SURF6: variants seen among roughly 807,000 people sequenced by gnomAD.
The protein encoded by SURF6 is surfeit locus protein 6.
Under a neutral mutation model 37.5 loss-of-function variants are expected in SURF6, and 28 were observed. The ratio of observed to expected loss-of-function variants is 0.75; its 90% CI spans 0.55 to 1.02. The LOEUF (loss-of-function observed/expected upper bound fraction) is 1.02, where lower values mean the gene tolerates loss of function less well. Among genes scored for constraint, SURF6 ranks in the 50% least tolerant of loss-of-function variants. The pLI, the probability that SURF6 is intolerant of heterozygous loss-of-function variation, is 0.00. For synonymous variants in SURF6, 248 were observed against 210.9 expected (o/e 1.18, Z -1.52); for missense variants, 560 against 490.5 (o/e 1.14, Z -1.34).
At position 133,336,139 on chromosome 9, in the gene SURF6, G is replaced by C; in HGVS notation, c.-7C>G. 1 of 1,609,950 alleles carries C rather than the reference G, an allele frequency of 6.2e-7. No individual in the cohort carries two copies. ...TGGCGAGTAGAGAGGCCATGGCGGA[G>C]ACCCGGGCCGTTCACGACTCACACC... On this transcript the variant is annotated 5_prime_UTR_variant, in exon 1 of 5. Transcript: ENST00000372022.
chr9:133,334,363 C>A (rs2129926731), intron 2 of SURF6, 29 bp downstream of exon 2: 3 of 1,590,862 alleles, frequency 1.9e-6, no homozygotes, highest in Non-Finnish European at 1.7e-6. Flanking sequence ...CCGCCCTGCA[C>A]AGAACCAACA....
Position 133,330,161 on chromosome 9 carries a change from A to C in SURF6, c.*1708T>G, listed in dbSNP as rs1177590787. The C allele has an allele frequency of 6.6e-6, 1 of 152,204 alleles. No homozygotes were observed. The highest frequency in any genetic ancestry group is 1.5e-5 in the Non-Finnish European group (1 of 68,036). 9.4% of individuals were successfully genotyped at this position (152,204 alleles called of 1,614,324 possible). On this transcript the variant is annotated 3_prime_UTR_variant, in exon 5 of 5. Transcript: ENST00000372022. ...AGACATACAGCGTATGTGTGTATAA[A>C]TGGCACTATTTATCTGTAGATGCAC...
intron 4 of SURF6, 75 bp downstream of exon 4, chr9:133,332,473 A>T: frequency 6.4e-7 from 1 of 1,561,270 alleles, no homozygotes; most frequent in Non-Finnish European, 8.6e-7. Context: ...TCGGAGAGAG[A>T]TCATGAAGCT....
rs2129917297 is a variant in SURF6 at position 133,332,296 on chromosome 9, TTC to T, written c.657_658del (p.Lys220GlufsTer38). The T allele has an allele frequency of 1.9e-6, 3 of 1,599,450 alleles. No homozygotes were observed. Among genetic ancestry groups the T allele is most frequent in the Non-Finnish European group, 2.5e-6 (3 of 1,177,142 alleles). The stretch of plus-strand genomic sequence containing the variant: ...GAGGTTCCCCTTCACCCTCTGCCTC[TTC>T]TCTTTTCTGCGCTGCGCCTTGCTGG... On this transcript the variant is annotated frameshift_variant, in exon 5 of 5. Transcript: ENST00000372022. LOFTEE classifies it high-confidence loss of function.
rs994426621 is a variant in SURF6, at chr9:133,329,867, T to C, written c.*2002A>G. 2.0e-5 allele frequency: 3 copies of C among 152,224 alleles called. No homozygotes were observed. Among genetic ancestry groups the C allele is most frequent in the African/African-American group, 7.2e-5 (3 of 41,464 alleles). The allele number at this position is 152,224 out of a possible 1,614,324, so 9.4% of individuals were successfully genotyped here. ...TAACTTCCCTTTCTCTTACCTAGTTTTGGTATCAAAGCTAAGTTCACGAAT... is the reference window on the plus strand; with the variant it reads ...TAACTTCCCTTTCTCTTACCTAGTTCTGGTATCAAAGCTAAGTTCACGAAT... On this transcript the variant is annotated 3_prime_UTR_variant, in exon 5 of 5. Coordinates refer to ENST00000372022, the MANE Select transcript of SURF6 (RefSeq NM_006753.6).
chr9:133,333,259 A>G (rs1297352416), intron 3 of SURF6, among the ~76,000 whole-genome samples: 1 of 152,000 alleles, frequency 6.6e-6, no homozygotes, highest in African/African-American at 2.4e-5. Context: ...GGAACCACAC[A>G]CTGTACCTCG....
In SURF6 at chr9:133,334,615, TAAGA is replaced by T; in HGVS notation, c.95-18_95-15del. On this transcript the variant is annotated splice_polypyrimidine_tract_variant and intron_variant, in intron 1 of 4. Transcript: ENST00000372022. ...GAGTTTTGCCAGCTGAAATGCAAAA[TAAGA>T]AAGAGTTAAGTCCCAATCTCATGGC... 2 of 1,603,676 alleles carry T rather than the reference TAAGA, an allele frequency of 1.2e-6. No homozygotes were observed. The highest frequency in any genetic ancestry group is 1.1e-5 in the South Asian group (1 of 91,040).
At position 133,333,137 on chromosome 9, in the gene SURF6, A is replaced by G. The variant is rs2129922607; in HGVS notation, c.394-377T>C. On this transcript the variant is annotated intron_variant, in intron 3 of 4. Transcript: ENST00000372022. ...GCCCATTCTGTTCACGAGGTACCCA[A>G]CGAAGCCCTCCCCAATGGCCTTTCC... 4.6e-5 allele frequency among the ~76,000 whole-genome samples: 7 copies of G among 152,246 alleles called. No homozygotes were observed. In the East Asian group the frequency reaches 1.2e-3, roughly 25 times the overall value.
rs1835776290 is a variant in SURF6 at position 133,332,653 on chromosome 9, C to T, written c.501G>A (p.Lys167=). Residue 167 remains lysine (K), a synonymous_variant, in exon 4 of 5, where the codon AAG becomes AAA. Transcript: ENST00000372022. ...CCGTGGCCTCCTCAGCCTTCCTGGC[C>T]TTCTCTTTCGCCCGCAGCTCCTTTC... The part of the protein sequence containing the change: ...RKRKELRAKE[K]ARKAEEATEA... 1 of 1,612,068 alleles carries T rather than the reference C, an allele frequency of 6.2e-7. No homozygotes were observed.
In SURF6 at chr9:133,330,668, T is replaced by G. The variant is rs1835702347; in HGVS notation, c.*1201A>C. 6.6e-6 allele frequency: 1 copy of G among 151,484 alleles called. No homozygotes were observed. The highest frequency in any genetic ancestry group is 2.4e-5 in the African/African-American group (1 of 41,280). The allele number at this position is 151,484 out of a possible 1,614,324, so 9.4% of individuals were successfully genotyped here. A position where few individuals can be genotyped will look rare whatever the true frequency, so the allele number is the denominator to read the frequency against. The stretch of plus-strand genomic sequence containing the variant: ...TTCCAAATATGAAATGCCACTGCAC[T>G]CCAGCCTGAGTGACAGAGCAAGACT... On this transcript the variant is annotated 3_prime_UTR_variant, in exon 5 of 5. Coordinates refer to ENST00000372022, the MANE Select transcript of SURF6 (RefSeq NM_006753.6).
intron 2 of SURF6, 89 bp downstream of exon 2, chr9:133,334,302 CT>C (rs1180078203): frequency 8.7e-5 from 109 of 1,250,860 alleles, no homozygotes; most frequent in East Asian, 1.7e-4. Flanking sequence ...CCTGCTGCTG[CT>C]TTTTTTTTCT....
chr9:133,329,393 AG>A lies in SURF6; in HGVS notation c.*2475del, dbSNP rs2129902441. ...AGCAGAGTCTTCTCTAAACTCCTCC[AG>A]GGAAAGGGACACTCCCTTTCCCGGT... On this transcript the variant is annotated 3_prime_UTR_variant, in exon 5 of 5. Coordinates refer to ENST00000372022, the MANE Select transcript of SURF6 (RefSeq NM_006753.6). 7 of 247,298 alleles carry A rather than the reference AG, an allele frequency of 2.8e-5. No homozygotes were observed. The highest frequency in any genetic ancestry group is 4.9e-5 in the Non-Finnish European group (6 of 121,826). 15.3% of individuals were successfully genotyped at this position (247,298 alleles called of 1,614,324 possible).
Position 133,332,629 on chromosome 9 carries a change from C to T in SURF6, c.525G>A (p.Thr175=), listed in dbSNP as rs2129920080. Residue 175 remains threonine (T), a synonymous_variant, in exon 4 of 5, where the codon ACG becomes ACA. Transcript: ENST00000372022. ...KEKARKAEEA[T]EAQEVVEATP... is the part of the protein sequence containing the mutation. ...TTGCCTCCACCACCTCCTGGGCCTC[C>T]GTGGCCTCCTCAGCCTTCCTGGCCT... 6.4e-5 allele frequency: 103 copies of T among 1,611,308 alleles called. No individual in the cohort carries two copies. Among genetic ancestry groups the T allele is most frequent in the African/African-American group, 2.7e-5 (2 of 74,930 alleles).
chr9:133,333,846 C>T (rs1835809109), intron 2 of SURF6, 40 bp from the exon 3 acceptor site: 2 of 1,542,874 alleles, frequency 1.3e-6, no homozygotes, highest in Non-Finnish European at 1.8e-6. Context: ...GCCCTCTCTT[C>T]CCCTCCCCCT....
chr9:133,336,128 G>C lies in SURF6; in HGVS notation c.5C>G (p.Ala2Gly). The C allele has an allele frequency of 6.2e-7, 1 of 1,611,568 alleles. No homozygotes were observed. The highest frequency in any genetic ancestry group is 8.5e-7 in the Non-Finnish European group (1 of 1,179,582). Reference sequence around the variant, plus strand: ...GTAGGCGTCCTTGGCGAGTAGAGAGGCCATGGCGGAGACCCGGGCCGTTCA... The same window carrying C: ...GTAGGCGTCCTTGGCGAGTAGAGAGCCCATGGCGGAGACCCGGGCCGTTCA... M[A>G]SLLAKDAYLQ... The change falls in exon 1 of 5, where the codon GCC becomes GGC. Residue 2 changes from alanine (A) to glycine (G), a missense_variant. Physicochemically the swap from Ala to Gly is moderately conservative, Grantham distance 60. Coordinates refer to ENST00000372022, the MANE Select transcript of SURF6 (RefSeq NM_006753.6).
intron 1 of SURF6, among the ~76,000 whole-genome samples, chr9:133,335,097 C>T (rs991659462): frequency 3.3e-5 from 5 of 152,100 alleles, no homozygotes; most frequent in Non-Finnish European, 7.3e-5. Context: ...GTAGCTGGGA[C>T]TACAGGCGCC....
chr9:133,332,399 G>A (rs1326728661), intron 4 of SURF6, 51 bp from the exon 5 acceptor site: 3 of 1,537,634 alleles, frequency 2.0e-6, no homozygotes, highest in Non-Finnish European at 2.6e-6. Context: ...CTAGGCCCCA[G>A]CCTTGGCCAG....
At position 133,328,777 on chromosome 9, in the gene SURF6, A is replaced by T. The variant is rs1441815848; in HGVS notation, c.*3092T>A. The T allele has an allele frequency of 6.6e-6, 1 of 152,210 alleles. No individual in the cohort carries two copies. Among genetic ancestry groups the T allele is most frequent in the East Asian group, 1.9e-4 (1 of 5,190 alleles). 9.4% of individuals were successfully genotyped at this position (152,210 alleles called of 1,614,324 possible). A position where few individuals can be genotyped will look rare whatever the true frequency, so the allele number is the denominator to read the frequency against. On this transcript the variant is annotated 3_prime_UTR_variant, in exon 5 of 5. Coordinates refer to ENST00000372022, the MANE Select transcript of SURF6 (RefSeq NM_006753.6). The stretch of plus-strand genomic sequence containing the variant: ...AATTCTGAATTAAATCCAGTGTGGC[A>T]CTTTGCTAAACTTGGTTTATTATTG...
rs2129927464 is a variant in SURF6, at chr9:133,334,466, G to A, written c.230C>T (p.Ala77Val). 1.2e-6 allele frequency: 2 copies of A among 1,614,134 alleles called. No individual in the cohort carries two copies. The highest frequency in any genetic ancestry group is 1.7e-5 in the Admixed American group (1 of 60,028). ...TGCCTCAGGCCTCCTGGCCCCAGAG[G>A]CTGCTGGAGATTTCTCCCCCAAGGA... is the stretch of plus-strand genomic sequence containing the variant. The part of the protein sequence containing the change: ...AKSLGEKSPA[A>V]SGARRPEAAK... Residue 77 changes from alanine to valine, a missense_variant, in exon 2 of 5, where the codon GCC becomes GTC. By Grantham distance (64) the Ala-to-Val change is moderately conservative. Coordinates refer to ENST00000372022, the MANE Select transcript of SURF6 (RefSeq NM_006753.6).
Sources: gnomAD v4.1 joint callset for allele counts (sites outside exome capture counted in the v4.1 genomes callset) on GRCh38, gnomAD v4.1.1 for gene constraint, MANE v1.5 for transcripts, NCBI Gene and HGNC (gene_info 2026-07-23, HGNC 2026-07-21) for gene names.